Variants in PCDH11X observed in about 807,000 individuals in gnomAD.
PCDH11X encodes protocadherin-11 X-linked.
A neutral mutation model predicts 53.3 loss-of-function variants in PCDH11X; 18 were observed. The observed-to-expected ratio is 0.34, with a 90% confidence interval of 0.23 to 0.50. The LOEUF (loss-of-function observed/expected upper bound fraction) is 0.50. Among genes scored for constraint, PCDH11X ranks in the 20% least tolerant of loss-of-function variants. PCDH11X has a pLI of 0.98. For missense variants in PCDH11X, 570 were observed against 1,032.4 expected (o/e 0.55, Z 6.14); for synonymous variants, 279 against 393.3 (o/e 0.71, Z 3.44).
At chrX:92,305,533 C>A (rs1304475629) in intron 8 of PCDH11X, among the ~76,000 whole-genome samples, 1 of 110,630 alleles carries the variant, frequency 9.0e-6, no homozygotes, top group Non-Finnish European at 1.9e-5. Context: ...AAATTAGGAC[C>A]CCACCTTTAT....
At chrX:91,937,248 T>C (rs909597316) in intron 6 of PCDH11X, among the ~76,000 whole-genome samples, 19 of 110,724 alleles carry the variant, frequency 1.7e-4, no homozygotes, top group African/African-American at 5.5e-4. Context: ...ATCAGTACTA[T>C]GTTGTTACAG....
intron 6 of PCDH11X, among the ~76,000 whole-genome samples, chrX:92,166,004 A>G (rs1265678994): frequency 9.0e-6 from 1 of 111,579 alleles, no homozygotes; most frequent in African/African-American, 3.2e-5. Context: ...TTTAGTGAGC[A>G]TATTGATAGG....
At chrX:92,616,596 A>C (rs1015259133) in intron 10 of PCDH11X, among the ~76,000 whole-genome samples, 1 of 111,611 alleles carries the variant, frequency 9.0e-6, no homozygotes, top group Non-Finnish European at 1.9e-5. Flanking sequence ...TGTATTTATG[A>C]TTTTGATAAT....
intron 9 of PCDH11X, among the ~76,000 whole-genome samples, chrX:92,439,864 T>A (rs1419160427): frequency 2.0e-5 from 2 of 99,010 alleles, no homozygotes; most frequent in Admixed American, 1.2e-4. Flanking sequence ...AAAGATTTTT[T>A]AAAAACAATA....
At chrX:92,338,749 C>T (rs756477643) in intron 8 of PCDH11X, among the ~76,000 whole-genome samples, 5 of 111,633 alleles carry the variant, frequency 4.5e-5, no homozygotes, top group African/African-American at 6.5e-5. Context: ...AATTACTCTG[C>T]GTAAGTGGCT....
rs767177712 is a variant in PCDH11X, at chrX:91,879,061, T to A, written c.2821T>A (p.Ser941Thr). 8.3e-7 allele frequency: 1 copy of A among 1,211,326 alleles called. No homozygotes were observed. Among genetic ancestry groups the A allele is most frequent in the Middle Eastern group, 2.3e-4 (1 of 4,349 alleles). ...CCCTGATTTGGCCCGACACTACAAA[T>A]CTGCCTCTCCACAGCCTGCCTTCCA... ...DSPDLARHYK[S>T]ASPQPAFQIQ... Residue 941 changes from serine to threonine, a missense_variant, in exon 6 of 11, where the codon TCT (serine) becomes ACT (threonine). Physicochemically the swap from Ser to Thr is moderately conservative, Grantham distance 58. This residue lies in a region of PCDH11X where 226 missense variants were observed against 457.5 expected (regional missense o/e 0.49). Transcript: ENST00000682573.
chrX:92,237,226 A>G (rs1256125812), intron 7 of PCDH11X, among the ~76,000 whole-genome samples: 4 of 111,105 alleles, frequency 3.6e-5, no homozygotes, highest in African/African-American at 1.3e-4. Context: ...TTAAATTTAT[A>G]ATCAGATTTA....
Position 92,620,541 on chromosome X carries a change from T to C in PCDH11X, c.*1601T>C, listed in dbSNP as rs773644676. The C allele has an allele frequency of 9.0e-6, 1 of 110,835 alleles. No homozygotes were observed. Among genetic ancestry groups the C allele is most frequent in the East Asian group, 2.9e-4 (1 of 3,484 alleles). 9.1% of individuals were successfully genotyped at this position (110,835 alleles called of 1,213,427 possible). On this transcript the variant is annotated 3_prime_UTR_variant, in exon 11 of 11. Transcript: ENST00000682573. The stretch of plus-strand genomic sequence containing the variant: ...ACTTAGACATAGATTTTGTAATGTA[T>C]AACTTGATATTTAATTTATGATTAA...
chrX:92,238,976 T>A (rs1040436942), intron 7 of PCDH11X, among the ~76,000 whole-genome samples: 4 of 111,614 alleles, frequency 3.6e-5, no homozygotes, highest in African/African-American at 1.3e-4. Context: ...GATTGATATG[T>A]TACCTTTCTT....
chrX:92,566,395 C>T (rs1215040216), intron 10 of PCDH11X, among the ~76,000 whole-genome samples: 1 of 109,241 alleles, frequency 9.2e-6, no homozygotes, highest in Non-Finnish European at 1.9e-5. Flanking sequence ...GTTATCTTAA[C>T]CTCTTTTAGA....
At chrX:91,912,118 T>C (rs1941392266) in intron 6 of PCDH11X, among the ~76,000 whole-genome samples, 2 of 112,235 alleles carry the variant, frequency 1.8e-5, no homozygotes, top group African/African-American at 6.5e-5. Context: ...CTGATTTTTG[T>C]ATGTTGATTT....
intron 6 of PCDH11X, among the ~76,000 whole-genome samples, chrX:92,079,741 G>A (rs1243013143): frequency 3.6e-5 from 4 of 111,180 alleles, no homozygotes; most frequent in Admixed American, 9.6e-5. Context: ...TGACTACTTC[G>A]AATAACAATA....
intron 10 of PCDH11X, among the ~76,000 whole-genome samples, chrX:92,518,246 T>C (rs748665969): frequency 4.5e-5 from 5 of 111,923 alleles, no homozygotes; most frequent in African/African-American, 1.6e-4. Flanking sequence ...GAGAAGTAAA[T>C]GTGATATGTT....
intron 9 of PCDH11X, among the ~76,000 whole-genome samples, chrX:92,451,330 T>A (rs894913693): frequency 5.4e-5 from 6 of 110,269 alleles, no homozygotes; most frequent in African/African-American, 2.0e-4. Context: ...AACATATAAA[T>A]CTTATGTATG....
At position 92,276,169 on chromosome X, in the gene PCDH11X, G is replaced by A. The variant is rs181129090; in HGVS notation, c.3144+13026G>A. ...GGCTGTCAATACCTACAACAGTTAT[G>A]GAGGCAAGGGAAACAGGCCCTTGAA... is the stretch of plus-strand genomic sequence containing the variant. On this transcript the variant is annotated intron_variant, in intron 8 of 10. Transcript: ENST00000682573. Among the ~76,000 whole-genome samples, 189 of 109,163 alleles carry A rather than the reference G, an allele frequency of 1.7e-3. 4 individuals are homozygous for A. The Admixed American group carries it at 0.019, about 11-fold the overall frequency. The allele number at this position is 109,163 out of a possible 115,157, so 94.8% of individuals were successfully genotyped here.
chrX:91,883,697 C>T lies in PCDH11X; in HGVS notation c.3033+4424C>T, dbSNP rs1342328797. 1.0e-4 allele frequency: 53 copies of T among 530,832 alleles called. No individual in the cohort carries two copies. The African/African-American group carries it at 1.1e-3, about 11-fold the overall frequency. 43.7% of individuals were successfully genotyped at this position (530,832 alleles called of 1,213,427 possible). A position where few individuals can be genotyped will look rare whatever the true frequency, so the allele number is the denominator to read the frequency against. Reference sequence around the variant, plus strand: ...GCGGGCGCCTGTAGTCCCAGCTACTCGGGAGGCTGAGGCAGGAGAATAGCG... The same window carrying T: ...GCGGGCGCCTGTAGTCCCAGCTACTTGGGAGGCTGAGGCAGGAGAATAGCG... On this transcript the variant is annotated intron_variant, in intron 6 of 10. Coordinates refer to ENST00000682573, the MANE Select transcript of PCDH11X (RefSeq NM_032968.5).
chrX:92,360,392 GC>G (rs1569473883), intron 8 of PCDH11X, among the ~76,000 whole-genome samples: 2 of 111,041 alleles, frequency 1.8e-5, no homozygotes, highest in African/African-American at 6.5e-5. Context: ...ATTTTAACGC[GC>G]AAAATATTTT....
chrX:92,539,402 C>A, intron 10 of PCDH11X, among the ~76,000 whole-genome samples: 1 of 111,666 alleles, frequency 9.0e-6, no homozygotes, highest in Middle Eastern at 4.7e-3. Flanking sequence ...CTTAAGTATG[C>A]CAATTGCATT....
Position 91,833,672 on chromosome X carries a change from C to T in PCDH11X, c.-44-1789C>T, listed in dbSNP as rs1481533581. ...TAAGTCTACTCCTGACCTAAACTAT[C>T]TTGATTGTTGCAACAGATGCATTTA... On this transcript the variant is annotated intron_variant, in intron 4 of 10. Coordinates refer to ENST00000682573, the MANE Select transcript of PCDH11X (RefSeq NM_032968.5). 6.3e-5 allele frequency among the ~76,000 whole-genome samples: 7 copies of T among 111,933 alleles called. No homozygotes were observed. In the East Asian group the frequency reaches 2.0e-3, roughly 31 times the overall value.
Sources: gnomAD v4.1 joint callset for allele counts (sites outside exome capture counted in the v4.1 genomes callset) on GRCh38, gnomAD v4.1.1 for gene constraint, gnomAD v4.1.1 regional missense constraint, MANE v1.5 for transcripts, NCBI Gene and HGNC (gene_info 2026-07-23, HGNC 2026-07-21) for gene names.